Variants in SLC2A13 observed in about 807,000 individuals in gnomAD.
SLC2A13 encodes the protein proton myo-inositol cotransporter.
A neutral mutation model predicts 64.4 loss-of-function variants in SLC2A13; 32 were observed. That is an observed-to-expected ratio of 0.50 (90% confidence interval 0.37 to 0.67). The LOEUF (loss-of-function observed/expected upper bound fraction) is 0.67. SLC2A13 is among the 30% of genes least tolerant of loss of function. The probability of loss-of-function intolerance (pLI) is 0.00; values close to 1 mark genes in which losing one functional copy is unlikely to be tolerated. For synonymous variants in SLC2A13, 338 were observed against 327.1 expected (o/e 1.03, Z -0.36); for missense variants, 743 against 829.2 (o/e 0.90, Z 1.28).
chr12:39,776,611 G>A (rs774435564), intron 7 of SLC2A13, among the ~76,000 whole-genome samples: 6 of 152,196 alleles, frequency 3.9e-5, no homozygotes, highest in Non-Finnish European at 8.8e-5. Flanking sequence ...AGGTAAAGAA[G>A]GGTCACGGAG....
intron 4 of SLC2A13, among the ~76,000 whole-genome samples, chr12:39,920,197 G>A (rs1339551441): frequency 6.6e-6 from 1 of 152,070 alleles, no homozygotes; most frequent in Non-Finnish European, 1.5e-5. Context: ...ATGTGTATGT[G>A]TGCATGTATT....
intron 1 of SLC2A13, among the ~76,000 whole-genome samples, chr12:40,098,009 C>T (rs1290947431): frequency 2.0e-5 from 3 of 151,176 alleles, no homozygotes; most frequent in South Asian, 2.1e-4. Flanking sequence ...AGATTAAATG[C>T]CCTATATATG....
intron 1 of SLC2A13, among the ~76,000 whole-genome samples, chr12:40,082,260 T>C (rs1938432175): frequency 6.6e-6 from 1 of 152,206 alleles, no homozygotes; most frequent in Admixed American, 6.5e-5. Flanking sequence ...GCCAGGAGGT[T>C]AAGAAAGATG....
At chr12:39,955,720 T>A (rs1285986549) in intron 3 of SLC2A13, among the ~76,000 whole-genome samples, 2 of 151,814 alleles carry the variant, frequency 1.3e-5, no homozygotes, top group African/African-American at 4.8e-5. Context: ...CTAAATGCAA[T>A]CACATGTATC....
chr12:39,768,627 G>T (rs1041860535), intron 7 of SLC2A13, among the ~76,000 whole-genome samples: 3 of 152,088 alleles, frequency 2.0e-5, no homozygotes, highest in African/African-American at 4.8e-5. Flanking sequence ...CAGCTGGTTG[G>T]TGGAGTGGTC....
At chr12:39,853,145 G>A (rs1007229639) in intron 6 of SLC2A13, among the ~76,000 whole-genome samples, 1 of 152,096 alleles carries the variant, frequency 6.6e-6, no homozygotes, top group Admixed American at 6.6e-5. Flanking sequence ...TCCTCCACCA[G>A]TAACAAAGCC....
chr12:39,895,547 T>G (rs1257665584), intron 4 of SLC2A13, among the ~76,000 whole-genome samples: 1 of 83,818 alleles, frequency 1.2e-5, no homozygotes, highest in Non-Finnish European at 2.4e-5. Context: ...TATATATATA[T>G]ATATACACAC....
intron 3 of SLC2A13, among the ~76,000 whole-genome samples, chr12:40,013,202 T>C (rs1271246502): frequency 1.3e-5 from 2 of 151,774 alleles, no homozygotes; most frequent in East Asian, 3.9e-4. Flanking sequence ...CTGAGTAATA[T>C]AAACTATTTT....
At chr12:39,971,997 A>AAATATATATATATATATATAT (rs1375405006) in intron 3 of SLC2A13, among the ~76,000 whole-genome samples, 169 of 77,202 alleles carry the variant, frequency 2.2e-3, no homozygotes, top group South Asian at 4.0e-3. Context: ...AAAAAAAAAA[A>AAATATATATATATATATATAT]ATATATATAT....
At chr12:39,785,444 A>T (rs1024069596) in intron 7 of SLC2A13, among the ~76,000 whole-genome samples, 2 of 152,340 alleles carry the variant, frequency 1.3e-5, no homozygotes. Context: ...AGATGTATGG[A>T]AATGCCTGGA....
At chr12:39,978,353 C>T (rs993577606) in intron 3 of SLC2A13, among the ~76,000 whole-genome samples, 2 of 152,204 alleles carry the variant, frequency 1.3e-5, no homozygotes, top group African/African-American at 4.8e-5. Context: ...CTCCAGTCTA[C>T]AGCTCCCAGC....
chr12:39,785,016 T>G (rs925786860), intron 7 of SLC2A13, among the ~76,000 whole-genome samples: 2 of 152,162 alleles, frequency 1.3e-5, no homozygotes, highest in African/African-American at 4.8e-5. Flanking sequence ...GTTAGAAAAT[T>G]TGCAGCCTTA....
At chr12:40,076,732 T>G (rs1205440653) in intron 1 of SLC2A13, among the ~76,000 whole-genome samples, 1 of 152,198 alleles carries the variant, frequency 6.6e-6, no homozygotes, top group Non-Finnish European at 1.5e-5. Context: ...CACAATGCTT[T>G]CCACGGTGGT....
intron 4 of SLC2A13, among the ~76,000 whole-genome samples, chr12:39,901,617 A>C (rs1485313441): frequency 7.9e-6 from 1 of 125,790 alleles, no homozygotes; most frequent in Admixed American, 8.8e-5. Flanking sequence ...GCCATCAGAG[A>C]AATGCAAATC....
At chr12:39,863,755 A>AT (rs908496665) in intron 6 of SLC2A13, among the ~76,000 whole-genome samples, 1 of 152,114 alleles carries the variant, frequency 6.6e-6, no homozygotes, top group Non-Finnish European at 1.5e-5. Context: ...TATGATGCCT[A>AT]TTTTCCAAAG....
intron 4 of SLC2A13, among the ~76,000 whole-genome samples, chr12:39,935,485 C>T (rs905199082): frequency 6.6e-6 from 1 of 152,120 alleles, no homozygotes; most frequent in Admixed American, 6.5e-5. Context: ...TGCTATGACT[C>T]TGGATATGAA....
intron 6 of SLC2A13, chr12:39,830,585 C>A: frequency 1.6e-6 from 1 of 624,778 alleles, no homozygotes; most frequent in Non-Finnish European, 2.0e-6. Context: ...GTGATCCAGC[C>A]CTGACTGGTT....
chr12:39,800,378 T>A (rs1488330470), intron 7 of SLC2A13, among the ~76,000 whole-genome samples: 2 of 151,370 alleles, frequency 1.3e-5, no homozygotes, highest in Non-Finnish European at 2.9e-5. Context: ...GAATCTACAA[T>A]GAACTCAAAC....
At position 40,048,094 on chromosome 12, in the gene SLC2A13, C is replaced by T; in HGVS notation, c.673G>A (p.Val225Ile). 2 of 1,613,304 alleles carry T rather than the reference C, an allele frequency of 1.2e-6. No individual in the cohort carries two copies. Among genetic ancestry groups the T allele is most frequent in the Non-Finnish European group, 1.7e-6 (2 of 1,179,676 alleles). The change falls in exon 2 of 10, where the codon GTT becomes ATT. Residue 225 changes from valine (V) to isoleucine (I), a missense_variant. Physicochemically the swap from Val to Ile is conservative, Grantham distance 29. Coordinates refer to ENST00000280871, the MANE Select transcript of SLC2A13 (RefSeq NM_052885.4). ...AGATAACTGAAGGCTCCATCAACAACACTTGCAAAGAACTGCCCTCCTGTG... is the reference window on the plus strand; with the variant it reads ...AGATAACTGAAGGCTCCATCAACAATACTTGCAAAGAACTGCCCTCCTGTG... ...FITGGQFFAS[V>I]VDGAFSYLQK...
Sources: allele counts gnomAD v4.1 joint callset (sites outside exome capture counted in the v4.1 genomes callset), GRCh38; gene constraint gnomAD v4.1.1; transcripts MANE v1.5; gene names NCBI Gene and HGNC (gene_info 2026-07-23, HGNC 2026-07-21).